The following CCSER1 variants were observed in gnomAD, a reference collection of about 807,000 sequenced individuals.
CCSER1 encodes the protein serine-rich coiled-coil domain-containing protein 1.
CCSER1 carries 41 observed loss-of-function variants against 82.0 expected under a neutral mutation model. The observed-to-expected ratio is 0.50, with a 90% CI of 0.39 to 0.65. The LOEUF is 0.65. Ranked by LOEUF, CCSER1 falls within the 30% of genes least tolerant of loss-of-function variation. The probability of loss-of-function intolerance (pLI) is 0.00; values close to 1 mark genes in which losing one functional copy is unlikely to be tolerated. For missense variants in CCSER1, 1,119 were observed against 1,064.2 expected (o/e 1.05, Z -0.72); for synonymous variants, 414 against 383.9 (o/e 1.08, Z -0.92).
chr4:90,589,410 A>G (rs2148679681), intron 5 of CCSER1, among the ~76,000 whole-genome samples: 1 of 152,214 alleles, frequency 6.6e-6, no homozygotes, highest in Middle Eastern at 3.4e-3. Context: ...GAGATGGGTT[A>G]TTGAAAATAG....
At chr4:91,523,517 G>T (rs1255123134) in intron 10 of CCSER1, among the ~76,000 whole-genome samples, 1 of 152,078 alleles carries the variant, frequency 6.6e-6, no homozygotes, top group Non-Finnish European at 1.5e-5. Flanking sequence ...ACTTCTTTTT[G>T]TTGGTAGGCT....
intron 7 of CCSER1, among the ~76,000 whole-genome samples, chr4:90,809,856 C>T (rs1758018579): frequency 6.6e-6 from 1 of 151,980 alleles, no homozygotes; most frequent in Admixed American, 6.6e-5. Context: ...TGAGCCATTG[C>T]ACTCCAGACT....
rs201252560 is a variant in CCSER1, at chr4:90,811,900, AAT to A, written c.2011-3852_2011-3851del. 5.6e-3 allele frequency among the ~76,000 whole-genome samples: 712 copies of A among 126,682 alleles called. 7 individuals are homozygous for A. The highest frequency in any genetic ancestry group is 0.021 in the African/African-American group (681 of 32,528). 83.1% of individuals were successfully genotyped at this position (126,682 alleles called of 152,430 possible). A position where few individuals can be genotyped will look rare whatever the true frequency, so the allele number is the denominator to read the frequency against. On this transcript the variant is annotated intron_variant, in intron 7 of 10. Coordinates refer to ENST00000509176, the MANE Select transcript of CCSER1 (RefSeq NM_001145065.2). ...TTCTTTAGAGTGACAGAACTGATGGAATATATATATACACACACACACACACA... is the reference window on the plus strand; with the variant it reads ...TTCTTTAGAGTGACAGAACTGATGGAATATATATACACACACACACACACA...
At chr4:90,402,102 G>A (rs995224631) in intron 4 of CCSER1, among the ~76,000 whole-genome samples, 2 of 152,150 alleles carry the variant, frequency 1.3e-5, no homozygotes, top group African/African-American at 4.8e-5. Context: ...GGAATGGGTG[G>A]AGGGAAAATG....
At chr4:90,887,951 A>T (rs1212445491) in intron 8 of CCSER1, among the ~76,000 whole-genome samples, 6 of 152,178 alleles carry the variant, frequency 3.9e-5, no homozygotes, top group Non-Finnish European at 5.9e-5. Flanking sequence ...AGAGATCAAC[A>T]CATCTGGAAT....
intron 1 of CCSER1, among the ~76,000 whole-genome samples, chr4:90,156,524 C>A (rs779867218): frequency 1.3e-5 from 2 of 152,098 alleles, no homozygotes; most frequent in Non-Finnish European, 1.5e-5. Context: ...CTTTGTAGGT[C>A]ACTGAGGACT....
At chr4:91,230,730 T>C (rs1738563162) in intron 10 of CCSER1, among the ~76,000 whole-genome samples, 1 of 151,780 alleles carries the variant, frequency 6.6e-6, no homozygotes, top group South Asian at 2.1e-4. Flanking sequence ...AGATTTAAGA[T>C]CAAATTTCGA....
At chr4:91,278,969 C>A (rs1322534748) in intron 10 of CCSER1, among the ~76,000 whole-genome samples, 2 of 152,120 alleles carry the variant, frequency 1.3e-5, no homozygotes, top group Admixed American at 1.3e-4. Context: ...TATGAATTCC[C>A]TCAGCTTTTG....
At chr4:90,845,581 A>T (rs1010961257) in intron 8 of CCSER1, among the ~76,000 whole-genome samples, 2 of 152,124 alleles carry the variant, frequency 1.3e-5, no homozygotes, top group Non-Finnish European at 2.9e-5. Context: ...GCCTGCTTGC[A>T]TATGACAGAG....
chr4:90,253,739 G>C (rs1052074825), intron 1 of CCSER1, among the ~76,000 whole-genome samples: 1 of 152,222 alleles, frequency 6.6e-6, no homozygotes, highest in African/African-American at 2.4e-5. Context: ...AGGCACAACC[G>C]TGGGCATGCA....
intron 10 of CCSER1, among the ~76,000 whole-genome samples, chr4:91,203,766 G>T (rs897597031): frequency 1.3e-4 from 20 of 151,756 alleles, no homozygotes; most frequent in African/African-American, 4.6e-4. Flanking sequence ...GAATCAAGTG[G>T]CATATTTGGT....
At chr4:91,273,515 T>C (rs1449805659) in intron 10 of CCSER1, among the ~76,000 whole-genome samples, 1 of 152,142 alleles carries the variant, frequency 6.6e-6, no homozygotes, top group Non-Finnish European at 1.5e-5. Context: ...GAGGAGTCTT[T>C]AGGGTTTTCT....
intron 1 of CCSER1, among the ~76,000 whole-genome samples, chr4:90,291,418 G>A (rs1490147857): frequency 6.6e-6 from 1 of 151,928 alleles, no homozygotes; most frequent in Non-Finnish European, 1.5e-5. Context: ...CACTCAAGTC[G>A]GTCACATCAC....
chr4:91,270,040 C>T (rs1023358810), intron 10 of CCSER1, among the ~76,000 whole-genome samples: 16 of 152,178 alleles, frequency 1.1e-4, no homozygotes, highest in African/African-American at 2.6e-4. Flanking sequence ...ATACTTTTGC[C>T]GCAGAGATAT....
intron 8 of CCSER1, among the ~76,000 whole-genome samples, chr4:90,862,823 G>A (rs1208064101): frequency 6.6e-6 from 1 of 150,790 alleles, no homozygotes; most frequent in South Asian, 2.1e-4. Flanking sequence ...CCATCATTAT[G>A]TCTTCTCTCT....
At chr4:91,142,839 T>C (rs929365326) in intron 10 of CCSER1, among the ~76,000 whole-genome samples, 7 of 152,114 alleles carry the variant, frequency 4.6e-5, no homozygotes, top group Non-Finnish European at 1.0e-4. Context: ...TTGGACTTTG[T>C]GTCTGTTTTT....
intron 10 of CCSER1, among the ~76,000 whole-genome samples, chr4:91,400,143 T>C (rs1426949044): frequency 1.3e-5 from 2 of 152,008 alleles, no homozygotes; most frequent in Non-Finnish European, 2.9e-5. Flanking sequence ...TTATTGCCTA[T>C]GCAATTTGTT....
intron 9 of CCSER1, among the ~76,000 whole-genome samples, chr4:90,981,049 C>G (rs1462170983): frequency 6.6e-6 from 1 of 151,772 alleles, no homozygotes; most frequent in Non-Finnish European, 1.5e-5. Flanking sequence ...CATTAACTCT[C>G]TCTAGGGAAA....
intron 3 of CCSER1, among the ~76,000 whole-genome samples, chr4:90,354,798 A>AC (rs1554011386): frequency 6.6e-6 from 1 of 151,184 alleles, no homozygotes; most frequent in Non-Finnish European, 1.5e-5. Context: ...ATAACTTCTG[A>AC]TTTTTTTTTC....
Sources: allele counts gnomAD v4.1 joint callset (sites outside exome capture counted in the v4.1 genomes callset), GRCh38; gene constraint gnomAD v4.1.1; transcripts MANE v1.5; gene names NCBI Gene and HGNC (gene_info 2026-07-23, HGNC 2026-07-21).